Variants in CFAP97 observed in about 807,000 individuals in gnomAD.
CFAP97 encodes cilia- and flagella-associated protein 97.
A neutral mutation model predicts 43.1 loss-of-function variants in CFAP97; 36 were observed. The observed-to-expected ratio is 0.84, with a 90% confidence interval of 0.64 to 1.10. The LOEUF is 1.10. Ranked by LOEUF, CFAP97 falls within the 50% of genes least tolerant of loss-of-function variation. The pLI is 0.00. For synonymous variants in CFAP97, 228 were observed against 225.7 expected (o/e 1.01, Z -0.09); for missense variants, 657 against 620.3 (o/e 1.06, Z -0.63).
At position 185,176,126 on chromosome 4, in the gene CFAP97, T is replaced by C. The variant is rs114119491; in HGVS notation, c.1055-75A>G. The C allele has an allele frequency of 4.9e-3, 6,074 of 1,240,724 alleles. 66 individuals carry two copies. Among genetic ancestry groups the C allele is most frequent in the Non-Finnish European group, 6.1e-3 (5,687 of 928,762 alleles). The allele number at this position is 1,240,724 out of a possible 1,614,324, so 76.9% of individuals were successfully genotyped here. A position where few individuals can be genotyped will look rare whatever the true frequency, so the allele number is the denominator to read the frequency against. ...GGTACATGCTTTTTTTTTTTTTCTC[T>C]TTTTAGACGGAGTTTCACTCTTGTT... On this transcript the variant is annotated intron_variant, in intron 2 of 4. Transcript: ENST00000458385.
intron 3 of CFAP97, 116 bp from the exon 4 acceptor site, chr4:185,164,295 A>G (rs1734987782): frequency 1.9e-6 from 2 of 1,030,408 alleles, no homozygotes; most frequent in African/African-American, 1.6e-5. Flanking sequence ...AAGAGACAAG[A>G]TCTTACTCTG....
upstream of CFAP97, chr4:185,204,032 C>T (rs1737068655): frequency 6.6e-6 from 1 of 150,966 alleles, no homozygotes; most frequent in Non-Finnish European, 1.5e-5. Context: ...CGGCGTGGGG[C>T]CCGGCGCTTC....
At chr4:185,194,159 A>G (rs1736434500) in intron 1 of CFAP97, among the ~76,000 whole-genome samples, 1 of 152,186 alleles carries the variant, frequency 6.6e-6, no homozygotes, top group Non-Finnish European at 1.5e-5. Context: ...CCTATGGCCC[A>G]CAGAGACTAA....
At chr4:185,191,837 CAAACAAAAACAA>C (rs144847263) in intron 1 of CFAP97, among the ~76,000 whole-genome samples, 1 of 151,740 alleles carries the variant, frequency 6.6e-6, no homozygotes, top group Non-Finnish European at 1.5e-5. Context: ...TCAACAACAA[CAAACAAAAACAA>C]AAACAAAAAC....
intron 2 of CFAP97, among the ~76,000 whole-genome samples, chr4:185,185,054 TTTTAA>T (rs1416696270): frequency 6.6e-5 from 10 of 152,348 alleles, no homozygotes; most frequent in South Asian, 4.1e-4. Flanking sequence ...ATATTGAACA[TTTTAA>T]TTTATCTTCT....
At position 185,167,038 on chromosome 4, in the gene CFAP97, C is replaced by T. The variant is rs191938304; in HGVS notation, c.1321-2859G>A. 1.5e-3 allele frequency among the ~76,000 whole-genome samples: 226 copies of T among 152,030 alleles called. 1 individual carries two copies. The highest frequency in any genetic ancestry group is 2.5e-3 in the Non-Finnish European group (172 of 68,010). On this transcript the variant is annotated intron_variant, in intron 3 of 4. Coordinates refer to ENST00000458385, the MANE Select transcript of CFAP97 (RefSeq NM_020827.3). ...ATGGTTAGCATATTTTATGTATGGC[C>T]CCAGACAATTTTTTTCCTTCCAGTG... is the stretch of plus-strand genomic sequence containing the variant.
At position 185,165,659 on chromosome 4, in the gene CFAP97, G is replaced by A. The variant is rs2111315172; in HGVS notation, c.1321-1480C>T. ...ATCAGACTCATGAATTCAGTCATAG[G>A]ACAAGTTTTCTCTGTACAATCTTTT... On this transcript the variant is annotated intron_variant, in intron 3 of 4. Transcript: ENST00000458385. Among the ~76,000 whole-genome samples, 3 of 152,308 alleles carry A rather than the reference G, an allele frequency of 2.0e-5. No homozygotes were observed. The South Asian group carries it at 6.2e-4, about 32-fold the overall frequency.
At chr4:185,172,461 T>C (rs1012650975) in intron 3 of CFAP97, among the ~76,000 whole-genome samples, 1 of 152,178 alleles carries the variant, frequency 6.6e-6, no homozygotes, top group Non-Finnish European at 1.5e-5. Context: ...TATTTCCATC[T>C]AAATAGCCTC....
At chr4:185,198,389 G>C (rs893547979) in intron 1 of CFAP97, among the ~76,000 whole-genome samples, 1 of 151,102 alleles carries the variant, frequency 6.6e-6, no homozygotes, top group African/African-American at 2.4e-5. Flanking sequence ...GCTGCAGTGA[G>C]CCAAGATTGC....
intron 1 of CFAP97, among the ~76,000 whole-genome samples, chr4:185,198,097 G>C (rs1736638051): frequency 6.6e-6 from 1 of 152,170 alleles, no homozygotes; most frequent in Admixed American, 6.5e-5. Flanking sequence ...GAGAGGTAAA[G>C]ACGATGTAGA....
At chr4:185,198,090 A>G (rs1274801398) in intron 1 of CFAP97, among the ~76,000 whole-genome samples, 2 of 152,208 alleles carry the variant, frequency 1.3e-5, no homozygotes, top group Non-Finnish European at 2.9e-5. Context: ...AGGCCGAGAG[A>G]GGTAAAGACG....
upstream of CFAP97, among the ~76,000 whole-genome samples, chr4:185,206,459 G>C (rs531053719): frequency 1.4e-5 from 2 of 146,834 alleles, no homozygotes; most frequent in South Asian, 2.2e-4. Context: ...TCCTGAGGTC[G>C]GGGGGTTGAG....
chr4:185,210,123 C>T (rs1737496970), upstream of CFAP97: 1 of 984,166 alleles, frequency 1.0e-6, no homozygotes, highest in African/African-American at 1.7e-5. This position sits in a 1 kb window ranked among gnomAD's most constrained non-coding sequence, Gnocchi z 4.4. Flanking sequence ...TGTACCTGAG[C>T]TGCGCGGCGG....
At chr4:185,186,413 A>G in intron 2 of CFAP97, among the ~76,000 whole-genome samples, 1 of 152,214 alleles carries the variant, frequency 6.6e-6, no homozygotes, top group East Asian at 1.9e-4. Context: ...AGCCTGGGCA[A>G]CAGAGTGAGA....
chr4:185,191,353 G>C (rs1736248501), intron 1 of CFAP97, 141 bp from the exon 2 acceptor site: 1 of 609,608 alleles, frequency 1.6e-6, no homozygotes, highest in Admixed American at 3.7e-5. Flanking sequence ...CAACAAAAAA[G>C]GTAACTCAGT....
At chr4:185,172,424 G>C (rs1032691121) in intron 3 of CFAP97, among the ~76,000 whole-genome samples, 6 of 152,104 alleles carry the variant, frequency 3.9e-5, no homozygotes, top group Non-Finnish European at 8.8e-5. Context: ...TACCTTTTCT[G>C]CACAACACTA....
chr4:185,186,089 G>C (rs1294163808), intron 2 of CFAP97, among the ~76,000 whole-genome samples: 1 of 152,142 alleles, frequency 6.6e-6, no homozygotes, highest in Admixed American at 6.5e-5. Flanking sequence ...ACGATTAAAA[G>C]TTAACTGAGA....
chr4:185,192,840 A>G (rs555913053), intron 1 of CFAP97, among the ~76,000 whole-genome samples: 2 of 143,888 alleles, frequency 1.4e-5, no homozygotes, highest in African/African-American at 5.2e-5. Flanking sequence ...TCCCGGGTTC[A>G]CGCCATTCTC....
chr4:185,180,761 TTG>T (rs1735749878), intron 2 of CFAP97, among the ~76,000 whole-genome samples: 1 of 152,114 alleles, frequency 6.6e-6, no homozygotes, highest in East Asian at 1.9e-4. Context: ...TTTTGGGAGA[TTG>T]ACTAAGTTAA....
Sources: allele counts gnomAD v4.1 joint callset (sites outside exome capture counted in the v4.1 genomes callset), GRCh38; gene constraint gnomAD v4.1.1; non-coding constraint Gnocchi (gnomAD v3.1); transcripts MANE v1.5; gene names NCBI Gene and HGNC (gene_info 2026-07-23, HGNC 2026-07-21).